Variants in HS6ST3 observed in about 807,000 individuals in gnomAD.
The protein encoded by HS6ST3 is heparan sulfate 6-O-sulfotransferase 3.
A neutral mutation model predicts 36.7 loss-of-function variants in HS6ST3; 12 were observed. The observed-to-expected ratio is 0.33, with a 90% CI of 0.21 to 0.53. The LOEUF (loss-of-function observed/expected upper bound fraction) is 0.53, where lower values mean the gene tolerates loss of function less well. Ranked by LOEUF, HS6ST3 falls within the 20% of genes least tolerant of loss-of-function variation. The pLI is 0.95. For synonymous variants in HS6ST3, 240 were observed against 257.5 expected, an observed-to-expected ratio of 0.93 and a Z score of 0.65; for missense variants, 584 against 640.9, an observed-to-expected ratio of 0.91 and a Z score of 0.96.
intron 1 of HS6ST3, among the ~76,000 whole-genome samples, chr13:96,589,452 ATC>A (rs1332870435): frequency 6.6e-6 from 1 of 151,678 alleles, no homozygotes; most frequent in Non-Finnish European, 1.5e-5. Flanking sequence ...TAAACTTTTT[ATC>A]TGTTTTGTTT....
intron 1 of HS6ST3, among the ~76,000 whole-genome samples, chr13:96,134,523 G>T (rs939620329): frequency 4.0e-5 from 6 of 150,912 alleles, no homozygotes; most frequent in Non-Finnish European, 5.9e-5. Flanking sequence ...TAAGCTCTTG[G>T]TAACTATTGT....
chr13:96,358,461 A>G (rs2055220765), intron 1 of HS6ST3, among the ~76,000 whole-genome samples: 1 of 152,158 alleles, frequency 6.6e-6, no homozygotes, highest in Non-Finnish European at 1.5e-5. Flanking sequence ...CATCATGAGG[A>G]AACAATCAGG....
chr13:96,173,009 G>C (rs1201137670), intron 1 of HS6ST3, among the ~76,000 whole-genome samples: 1 of 152,130 alleles, frequency 6.6e-6, no homozygotes, highest in Non-Finnish European at 1.5e-5. Context: ...TGTTTTAAGG[G>C]CTGCAGATAA....
intron 1 of HS6ST3, among the ~76,000 whole-genome samples, chr13:96,251,093 T>A (rs2054605762): frequency 6.6e-6 from 1 of 152,194 alleles, no homozygotes. Context: ...ATCAGGAAAA[T>A]GAGTAGAATG....
intron 1 of HS6ST3, among the ~76,000 whole-genome samples, chr13:96,114,970 T>C (rs1009304685): frequency 6.6e-6 from 1 of 152,062 alleles, no homozygotes; most frequent in Non-Finnish European, 1.5e-5. Flanking sequence ...GTGTGACTTT[T>C]TGATTACTGG....
chr13:96,588,741 T>C (rs1203636891), intron 1 of HS6ST3, among the ~76,000 whole-genome samples: 1 of 152,126 alleles, frequency 6.6e-6, no homozygotes, highest in Non-Finnish European at 1.5e-5. Context: ...GCTAGCCTTG[T>C]AATTTTTTTT....
chr13:96,229,621 A>G (rs944388858), intron 1 of HS6ST3, among the ~76,000 whole-genome samples: 1 of 152,174 alleles, frequency 6.6e-6, no homozygotes, highest in Non-Finnish European at 1.5e-5. Context: ...TTATCTCCCA[A>G]AGGCTCCACC....
chr13:96,603,421 T>G (rs2056428444), intron 1 of HS6ST3, among the ~76,000 whole-genome samples: 1 of 152,246 alleles, frequency 6.6e-6, no homozygotes, highest in Non-Finnish European at 1.5e-5. Context: ...TTCATTTTCA[T>G]TGCCTATATT....
chr13:96,548,424 C>T (rs1248637012), intron 1 of HS6ST3, among the ~76,000 whole-genome samples: 1 of 152,166 alleles, frequency 6.6e-6, no homozygotes, highest in Non-Finnish European at 1.5e-5. Flanking sequence ...CTGGCTTATG[C>T]ATTGTCACCC....
intron 1 of HS6ST3, among the ~76,000 whole-genome samples, chr13:96,305,446 C>G (rs1363854120): frequency 6.6e-6 from 1 of 152,134 alleles, no homozygotes; most frequent in Non-Finnish European, 1.5e-5. Context: ...TTCTTCTCAT[C>G]AAGTTTCAGA....
intron 1 of HS6ST3, among the ~76,000 whole-genome samples, chr13:96,447,549 A>T (rs2055705067): frequency 1.3e-5 from 2 of 152,236 alleles, no homozygotes; most frequent in Admixed American, 1.3e-4. Flanking sequence ...CCACCCAAAC[A>T]TGGCGATTCC....
chr13:96,188,456 AAAAC>A (rs1555289550), intron 1 of HS6ST3, among the ~76,000 whole-genome samples: 5 of 152,268 alleles, frequency 3.3e-5, no homozygotes, highest in Non-Finnish European at 7.4e-5. Context: ...CATCGCTACA[AAAAC>A]AAACAAACAA....
At chr13:96,529,129 A>G (rs2056125953) in intron 1 of HS6ST3, among the ~76,000 whole-genome samples, 1 of 152,190 alleles carries the variant, frequency 6.6e-6, no homozygotes, top group Non-Finnish European at 1.5e-5. Context: ...GGATTCTTCA[A>G]TAATTGTTAG....
At chr13:96,260,804 G>A (rs1276635759) in intron 1 of HS6ST3, among the ~76,000 whole-genome samples, 1 of 151,842 alleles carries the variant, frequency 6.6e-6, no homozygotes, top group African/African-American at 2.4e-5. Context: ...CACACCTAGC[G>A]AATTTTTGTA....
chr13:96,554,157 A>G (rs768529569), intron 1 of HS6ST3, among the ~76,000 whole-genome samples: 1 of 152,224 alleles, frequency 6.6e-6, no homozygotes, highest in African/African-American at 2.4e-5. Flanking sequence ...AAGAGAGGTC[A>G]GAACCTTGGC....
chr13:96,288,079 C>T (rs1480224898), intron 1 of HS6ST3, among the ~76,000 whole-genome samples: 2 of 152,090 alleles, frequency 1.3e-5, no homozygotes, highest in Non-Finnish European at 2.9e-5. Flanking sequence ...TTGGGACTCA[C>T]TGCAGATTTA....
chr13:96,583,844 G>A (rs1445217717), intron 1 of HS6ST3, among the ~76,000 whole-genome samples: 1 of 152,184 alleles, frequency 6.6e-6, no homozygotes, highest in South Asian at 2.1e-4. Flanking sequence ...CAACCTCTAC[G>A]CTATTGAGAT....
intron 1 of HS6ST3, among the ~76,000 whole-genome samples, chr13:96,665,094 C>G (rs916463844): frequency 2.0e-5 from 3 of 152,122 alleles, no homozygotes; most frequent in African/African-American, 4.8e-5. Flanking sequence ...ATGGCTTGAG[C>G]CCGGGAGGTC....
At chr13:96,708,590 G>A (rs1484412744) in intron 1 of HS6ST3, among the ~76,000 whole-genome samples, 3 of 151,992 alleles carry the variant, frequency 2.0e-5, no homozygotes, top group African/African-American at 7.3e-5. Flanking sequence ...CATACATATT[G>A]GCCAGGCATA....
Sources: gnomAD v4.1 joint callset for allele counts (sites outside exome capture counted in the v4.1 genomes callset) on GRCh38, gnomAD v4.1.1 for gene constraint, MANE v1.5 for transcripts, NCBI Gene and HGNC (gene_info 2026-07-23, HGNC 2026-07-21) for gene names.